The following ARHGAP44 variants were observed in gnomAD, a reference collection of about 807,000 sequenced individuals.
ARHGAP44 encodes the protein rho GTPase-activating protein 44.
In ARHGAP44, 43 loss-of-function variants were observed where a neutral mutation model predicts 106.8. That is an observed-to-expected ratio of 0.40 (90% confidence interval 0.32 to 0.52). The LOEUF is 0.52. Among genes scored for constraint, ARHGAP44 ranks in the 20% least tolerant of loss-of-function variants. ARHGAP44 has a pLI of 0.48. For synonymous variants in ARHGAP44, 439 were observed against 410.3 expected (o/e 1.07, Z -0.85); for missense variants, 866 against 1,050.5 (o/e 0.82, Z 2.43).
chr17:12,846,408 C>T (rs893832800), intron 1 of ARHGAP44, among the ~76,000 whole-genome samples: 2 of 152,014 alleles, frequency 1.3e-5, no homozygotes, highest in African/African-American at 4.8e-5. Flanking sequence ...GTGTGTGTAC[C>T]CTCTTCCTTT....
intron 7 of ARHGAP44, among the ~76,000 whole-genome samples, chr17:12,931,045 TTA>T (rs2038383671): frequency 6.6e-6 from 1 of 152,164 alleles, no homozygotes; most frequent in Non-Finnish European, 1.5e-5. Context: ...TTCTAGTTAT[TTA>T]TATGTTTGTT....
chr17:12,894,712 C>G (rs1391343980), intron 1 of ARHGAP44, among the ~76,000 whole-genome samples: 1 of 152,122 alleles, frequency 6.6e-6, no homozygotes, highest in Non-Finnish European at 1.5e-5. Flanking sequence ...AATCCAGGTT[C>G]CAATCTGTAG....
intron 20 of ARHGAP44, among the ~76,000 whole-genome samples, chr17:12,989,492 A>G (rs2072263): frequency 0.83 from 126,117 of 152,146 alleles, 53,990 homozygotes; most frequent in Non-Finnish European, 0.95. Flanking sequence ...AGTCAGGGAC[A>G]GTTGGCACCA....
chr17:12,929,593 T>C (rs2038341436), intron 7 of ARHGAP44, among the ~76,000 whole-genome samples: 1 of 152,224 alleles, frequency 6.6e-6, no homozygotes, highest in Non-Finnish European at 1.5e-5. Flanking sequence ...GACTCTGTAC[T>C]CGTGTAATGA....
rs201835763 is a variant in ARHGAP44 at position 12,847,510 on chromosome 17, C to CTTTTTTTTTT, written c.54-47429_54-47428insTTTTTTTTTT. Among the ~76,000 whole-genome samples, 2 of 133,602 alleles carry CTTTTTTTTTT rather than the reference C, an allele frequency of 1.5e-5. 1 individual carries two copies. The allele number at this position is 133,602 out of a possible 152,430, so 87.6% of individuals were successfully genotyped here. ...TACACCTTCCTTCAAGCTACCATCA[C>CTTTTTTTTTT]TCTTTTTTTTTTTTTTTTTTTGAGA... On this transcript the variant is annotated intron_variant, in intron 1 of 20. Coordinates refer to ENST00000379672, the MANE Select transcript of ARHGAP44 (RefSeq NM_014859.6).
chr17:12,831,561 G>A (rs574271068), intron 1 of ARHGAP44, among the ~76,000 whole-genome samples: 1 of 152,256 alleles, frequency 6.6e-6, no homozygotes, highest in African/African-American at 2.4e-5. Flanking sequence ...TGTAGATGCT[G>A]ATTAGACCAA....
intron 18 of ARHGAP44, among the ~76,000 whole-genome samples, chr17:12,977,752 T>C (rs1265245546): frequency 6.6e-6 from 1 of 152,056 alleles, no homozygotes; most frequent in East Asian, 1.9e-4. Flanking sequence ...GGAGGAAGTG[T>C]GTCCGGGCCG....
intron 3 of ARHGAP44, among the ~76,000 whole-genome samples, chr17:12,903,156 T>TGTGTGG (rs2037445376): frequency 7.1e-6 from 1 of 141,538 alleles, no homozygotes; most frequent in Non-Finnish European, 1.5e-5. Context: ...TGTGTGTGTG[T>TGTGTGG]GTGTGTGTGT....
intron 16 of ARHGAP44, among the ~76,000 whole-genome samples, chr17:12,965,689 C>A (rs2039373901): frequency 6.6e-6 from 1 of 152,184 alleles, no homozygotes; most frequent in African/African-American, 2.4e-5. Flanking sequence ...CTTTAACATG[C>A]TGTTACAAGG....
chr17:12,805,301 C>T (rs998016341), intron 1 of ARHGAP44, among the ~76,000 whole-genome samples: 1 of 152,124 alleles, frequency 6.6e-6, no homozygotes, highest in African/African-American at 2.4e-5. Flanking sequence ...ATTGGGGTTT[C>T]TTCATCTCTG....
intron 4 of ARHGAP44, among the ~76,000 whole-genome samples, chr17:12,911,996 C>T (rs1196297719): frequency 6.6e-6 from 1 of 152,216 alleles, no homozygotes; most frequent in Non-Finnish European, 1.5e-5. Context: ...GATGAATTCA[C>T]ATACTCTGAA....
intron 1 of ARHGAP44, among the ~76,000 whole-genome samples, chr17:12,858,421 C>T (rs2035973491): frequency 6.6e-6 from 1 of 152,170 alleles, no homozygotes; most frequent in African/African-American, 2.4e-5. Flanking sequence ...TGCAGGTGTG[C>T]AAGGATTCTT....
intron 18 of ARHGAP44, among the ~76,000 whole-genome samples, chr17:12,978,627 G>A (rs1012348214): frequency 2.0e-5 from 3 of 150,898 alleles, no homozygotes; most frequent in Non-Finnish European, 4.4e-5. Context: ...AACACCTGGA[G>A]TTTCTAGATC....
chr17:12,842,804 A>T (rs1451522545), intron 1 of ARHGAP44, among the ~76,000 whole-genome samples: 1 of 152,208 alleles, frequency 6.6e-6, no homozygotes, highest in Non-Finnish European at 1.5e-5. Flanking sequence ...AGTGGGAATT[A>T]ATGTGTATTA....
At chr17:12,861,113 C>T (rs1427801696) in intron 1 of ARHGAP44, among the ~76,000 whole-genome samples, 1 of 152,142 alleles carries the variant, frequency 6.6e-6, no homozygotes, top group Non-Finnish European at 1.5e-5. Flanking sequence ...ACCTCGCCCT[C>T]CCAAAGTGTT....
chr17:12,883,185 T>TA (rs1029436434), intron 1 of ARHGAP44, among the ~76,000 whole-genome samples: 16 of 151,392 alleles, frequency 1.1e-4, no homozygotes, highest in South Asian at 4.2e-4. Flanking sequence ...GTTTTTTTTT[T>TA]AAAAACTTGC....
rs201426127 is a variant in ARHGAP44, at chr17:12,909,333, C to T, written c.275+360C>T. Among the ~76,000 whole-genome samples, 41 of 152,038 alleles carry T rather than the reference C, an allele frequency of 2.7e-4. 1 individual carries two copies. Among genetic ancestry groups the T allele is most frequent in the Non-Finnish European group, 4.6e-4 (31 of 68,014 alleles). On this transcript the variant is annotated intron_variant, in intron 4 of 20. Transcript: ENST00000379672. ...CAACAAAACAAACTGAAAATAGAAT[C>T]GTCATGAGAGAGCATCAGCAGACAC...
chr17:12,911,438 G>A (rs1019101214), intron 4 of ARHGAP44, among the ~76,000 whole-genome samples: 3 of 152,084 alleles, frequency 2.0e-5, no homozygotes, highest in Admixed American at 2.0e-4. Context: ...AACTTGGCAA[G>A]TCCCCAAAAG....
intron 1 of ARHGAP44, among the ~76,000 whole-genome samples, chr17:12,831,393 A>G (rs911886661): frequency 6.6e-6 from 1 of 152,190 alleles, no homozygotes; most frequent in Non-Finnish European, 1.5e-5. Flanking sequence ...GGGCAGTTTA[A>G]TGGGTAACAT....
Sources: gnomAD v4.1 joint callset for allele counts (sites outside exome capture counted in the v4.1 genomes callset) on GRCh38, gnomAD v4.1.1 for gene constraint, MANE v1.5 for transcripts, NCBI Gene and HGNC (gene_info 2026-07-23, HGNC 2026-07-21) for gene names.